The following MYCBP2 variants were observed in gnomAD, a reference collection of about 807,000 sequenced individuals.
MYCBP2 encodes the protein MYC binding protein 2, also known as E3 ubiquitin-protein ligase MYCBP2.
MYCBP2 carries 120 observed loss-of-function variants against 525.3 expected under a neutral mutation model. The observed-to-expected ratio is 0.23, with a 90% confidence interval of 0.20 to 0.27. The LOEUF (loss-of-function observed/expected upper bound fraction) is 0.27. Ranked by LOEUF, MYCBP2 falls within the 10% of genes least tolerant of loss-of-function variation. The pLI, the probability that MYCBP2 is intolerant of heterozygous loss-of-function variation, is 1.00. For missense variants in MYCBP2, 4,149 were observed against 5,657.1 expected, an observed-to-expected ratio of 0.73 and a Z score of 8.55; for synonymous variants, 1,894 against 1,955.8, an observed-to-expected ratio of 0.97 and a Z score of 0.83.
chr13:77,168,573 G>A lies in MYCBP2; in HGVS notation c.5969C>T (p.Pro1990Leu), dbSNP rs758954671. Residue 1990 changes from proline to leucine, a missense_variant, in exon 40 of 83, where the codon CCG (proline) becomes CTG (leucine). Pro to Leu is a moderately conservative substitution (Grantham distance 98). Transcript: ENST00000544440. Reference sequence around the variant, plus strand: ...CGACTGATTAGGGTTGAAGGCAGGCGGTGCATACTTCTGATTCAAAATGGC... The same window carrying A: ...CGACTGATTAGGGTTGAAGGCAGGCAGTGCATACTTCTGATTCAAAATGGC... Reference protein sequence around the residue: ...SVAILNQKYAPPAFNPNQSTD... With the variant: ...SVAILNQKYALPAFNPNQSTD... 7.4e-6 allele frequency: 12 copies of A among 1,614,058 alleles called. No homozygotes were observed. The highest frequency in any genetic ancestry group is 3.3e-5 in the South Asian group (3 of 91,064).
Position 77,064,619 on chromosome 13 carries a change from G to C in MYCBP2, c.12668C>G (p.Thr4223Ser). Residue 4223 changes from threonine to serine, a missense_variant, in exon 73 of 83, where the codon ACT becomes AGT. Coordinates refer to ENST00000544440, the MANE Select transcript of MYCBP2 (RefSeq NM_015057.5). ...ACAAAACAAAGCAAAACCTACTCTA[G>C]TTGTTGCAATACATCTCACTGGAGA... is the stretch of plus-strand genomic sequence containing the variant. Reference protein sequence around the residue: ...FRSPVRCIATTRLWLALASLC... With the variant: ...FRSPVRCIATSRLWLALASLC... The C allele has an allele frequency of 6.2e-7, 1 of 1,608,844 alleles. No individual in the cohort carries two copies. Among genetic ancestry groups the C allele is most frequent in the Non-Finnish European group, 8.5e-7 (1 of 1,177,182 alleles).
chr13:77,151,286 A>T (rs2056415588), intron 46 of MYCBP2, among the ~76,000 whole-genome samples: 1 of 152,220 alleles, frequency 6.6e-6, no homozygotes, highest in Admixed American at 6.5e-5. Flanking sequence ...CTAACAAATT[A>T]TTTTATCAGG....
chr13:77,112,140 A>G (rs1256624546), intron 55 of MYCBP2, among the ~76,000 whole-genome samples: 2 of 151,944 alleles, frequency 1.3e-5, no homozygotes, highest in African/African-American at 2.4e-5. Context: ...GGTAACTCCG[A>G]GCTGATAAGT....
At chr13:77,191,095 T>A (rs1267600126) in intron 28 of MYCBP2, among the ~76,000 whole-genome samples, 1 of 152,130 alleles carries the variant, frequency 6.6e-6, no homozygotes, top group South Asian at 2.1e-4. Context: ...TCTCAGGAAA[T>A]AGCAAATAAT....
In MYCBP2 at chr13:77,188,941, C is replaced by T. The variant is rs758574031; in HGVS notation, c.4251+10G>A. The T allele has an allele frequency of 3.8e-6, 6 of 1,576,548 alleles. No homozygotes were observed. In the South Asian group the frequency reaches 7.0e-5, roughly 18 times the overall value. ...AGAGAAAAGCTGAAATTTTTTAAAA[C>T]ATGGCTTACCACTGAGACAGTTCTT... On this transcript the variant is annotated intron_variant, in intron 30 of 82. Coordinates refer to ENST00000544440, the MANE Select transcript of MYCBP2 (RefSeq NM_015057.5).
intron 52 of MYCBP2, among the ~76,000 whole-genome samples, chr13:77,134,717 C>T (rs539814305): frequency 2.1e-4 from 32 of 152,034 alleles, no homozygotes; most frequent in Non-Finnish European, 3.4e-4. Context: ...ATTTTGGAAA[C>T]GATACAGTCA....
rs1461355116 is a variant in MYCBP2, at chr13:77,326,484, G to C, written c.292C>G (p.Pro98Ala). The change falls in exon 1 of 83, where the codon CCA (proline) becomes GCA (alanine). Residue 98 changes from proline to alanine, a missense_variant. Coordinates refer to ENST00000544440, the MANE Select transcript of MYCBP2 (RefSeq NM_015057.5). This position sits in a 1 kb window ranked among gnomAD's most constrained non-coding sequence, Gnocchi z 4.2. The part of the protein sequence containing the change: ...RDQGGGSAGH[P>A]ASRNKKILNK... ...ACCCTGGGGACGCACCTGGAGGCTG[G>C]GTGTCCAGCGCTGCCGCCCCCCTGG... is the stretch of plus-strand genomic sequence containing the variant. 3 of 1,576,482 alleles carry C rather than the reference G, an allele frequency of 1.9e-6. No homozygotes were observed. The highest frequency in any genetic ancestry group is 1.7e-4 in the Middle Eastern group (1 of 5,962).
chr13:77,297,626 T>C (rs1384718083), intron 1 of MYCBP2, among the ~76,000 whole-genome samples: 1 of 152,068 alleles, frequency 6.6e-6, no homozygotes, highest in Non-Finnish European at 1.5e-5. Context: ...CTCTTAAAAA[T>C]AGAGAAGTTA....
chr13:77,165,829 T>C (rs965113267), intron 41 of MYCBP2, among the ~76,000 whole-genome samples: 2 of 152,126 alleles, frequency 1.3e-5, no homozygotes, highest in African/African-American at 4.8e-5. Flanking sequence ...TGAAATGAAA[T>C]TGCCTATTAG....
intron 1 of MYCBP2, among the ~76,000 whole-genome samples, chr13:77,300,108 G>A (rs1465098512): frequency 6.6e-6 from 1 of 152,162 alleles, no homozygotes; most frequent in Non-Finnish European, 1.5e-5. Context: ...ATAAAGAGAT[G>A]AAGGAGACTG....
In MYCBP2 at chr13:77,190,232, A is replaced by G. The variant is rs1017943229; in HGVS notation, c.4154+20T>C. 3 of 1,454,872 alleles carry G rather than the reference A, an allele frequency of 2.1e-6. No individual in the cohort carries two copies. The highest frequency in any genetic ancestry group is 1.9e-6 in the Non-Finnish European group (2 of 1,044,092). 90.1% of individuals were successfully genotyped at this position (1,454,872 alleles called of 1,614,324 possible). A position where few individuals can be genotyped will look rare whatever the true frequency, so the allele number is the denominator to read the frequency against. Reference sequence around the variant, plus strand: ...GCAAAATAATAAACCATACTAATTCAGTATAAATATGCTAAATACCTGTAT... The same window carrying G: ...GCAAAATAATAAACCATACTAATTCGGTATAAATATGCTAAATACCTGTAT... On this transcript the variant is annotated intron_variant, in intron 29 of 82. Coordinates refer to ENST00000544440, the MANE Select transcript of MYCBP2 (RefSeq NM_015057.5).
chr13:77,098,672 G>A lies in MYCBP2; in HGVS notation c.8482C>T (p.Pro2828Ser), dbSNP rs760409683. ...CCCGATGGGCTAGACCTATTGGCTG[G>A]GAGAGTCTTTGGCTTAGGAGATGAC... ...RLSSPKPKTL[P>S]ANRSSPSGAS... is the part of the protein sequence containing the mutation. The change falls in exon 56 of 83, where the codon CCA becomes TCA. Residue 2828 changes from proline to serine, a missense_variant. By Grantham distance (74) the Pro-to-Ser change is moderately conservative. Transcript: ENST00000544440. 2.4e-5 allele frequency: 38 copies of A among 1,613,494 alleles called. No homozygotes were observed. In the South Asian group the frequency reaches 3.5e-4, roughly 15 times the overall value.
In MYCBP2 at chr13:77,068,837, T is replaced by C; in HGVS notation, c.11905-6A>G. ...TGGACAATATGAGCACACACCTATT[T>C]AAAGTTAACACAGAACATGTAAAAA... On this transcript the variant is annotated splice_region_variant and splice_polypyrimidine_tract_variant and intron_variant, in intron 69 of 82. Coordinates refer to ENST00000544440, the MANE Select transcript of MYCBP2 (RefSeq NM_015057.5). 2 of 1,612,624 alleles carry C rather than the reference T, an allele frequency of 1.2e-6. No individual in the cohort carries two copies. The highest frequency in any genetic ancestry group is 1.7e-6 in the Non-Finnish European group (2 of 1,179,610).
intron 21 of MYCBP2, among the ~76,000 whole-genome samples, chr13:77,215,616 G>C (rs944261173): frequency 3.3e-5 from 5 of 152,174 alleles, no homozygotes; most frequent in African/African-American, 1.2e-4. Context: ...ACAGGATCTT[G>C]CTCTGCTGTC....
At chr13:77,187,185 C>T (rs1464727519) in intron 30 of MYCBP2, among the ~76,000 whole-genome samples, 2 of 152,078 alleles carry the variant, frequency 1.3e-5, no homozygotes, top group African/African-American at 2.4e-5. Context: ...GGCCACAAAA[C>T]CACTTAAACA....
chr13:77,212,028 G>C lies in MYCBP2; in HGVS notation c.3190C>G (p.Arg1064Gly). Residue 1064 changes from arginine (R) to glycine (G), a missense_variant, in exon 22 of 83, where the codon CGA becomes GGA. By Grantham distance (125) the Arg-to-Gly change is moderately radical. Transcript: ENST00000544440. ...IGASGDQTFL[R>G]IDEALINSHV... The stretch of plus-strand genomic sequence containing the variant: ...GAATTAATAAGTGCTTCATCAATTC[G>C]TAAAAAAGTTTGGTCCCCACTTGCA... 1.2e-6 allele frequency: 2 copies of C among 1,614,016 alleles called. No homozygotes were observed. The highest frequency in any genetic ancestry group is 1.7e-6 in the Non-Finnish European group (2 of 1,179,946).
chr13:77,052,125 C>T (rs533567318), intron 80 of MYCBP2, among the ~76,000 whole-genome samples: 1 of 152,188 alleles, frequency 6.6e-6, no homozygotes, highest in South Asian at 2.1e-4. Context: ...GCTATTTCTT[C>T]TTTTTCTTTC....
At chr13:77,223,692 A>T (rs1221303730) in intron 20 of MYCBP2, among the ~76,000 whole-genome samples, 1 of 152,170 alleles carries the variant, frequency 6.6e-6, no homozygotes, top group Non-Finnish European at 1.5e-5. Flanking sequence ...TCTCCAACTT[A>T]TCTCTGTGAT....
In MYCBP2 at chr13:77,044,805, T is replaced by G. The variant is rs1395099400; in HGVS notation, c.*573A>C. 5.0e-6 allele frequency: 2 copies of G among 398,788 alleles called. No individual in the cohort carries two copies. The highest frequency in any genetic ancestry group is 8.8e-6 in the Non-Finnish European group (2 of 226,024). 24.7% of individuals were successfully genotyped at this position (398,788 alleles called of 1,614,324 possible). ...CTTAACCTAGAAGTTTAAATGAAAT[T>G]GCATTTGTAATTTAGTAATTCTTAT... On this transcript the variant is annotated 3_prime_UTR_variant, in exon 83 of 83. Transcript: ENST00000544440.
Sources: gnomAD v4.1 joint callset for allele counts (sites outside exome capture counted in the v4.1 genomes callset) on GRCh38, gnomAD v4.1.1 for gene constraint, Gnocchi (gnomAD v3.1) non-coding constraint, MANE v1.5 for transcripts, NCBI Gene and HGNC (gene_info 2026-07-23, HGNC 2026-07-21) for gene names.